The following ZNF366 variants were observed in gnomAD, a reference collection of about 807,000 sequenced individuals.
ZNF366 encodes the protein zinc finger protein 366.
In ZNF366, 20 loss-of-function variants were observed where a neutral mutation model predicts 47.2. That is an observed-to-expected ratio of 0.42 (90% CI 0.30 to 0.62). The LOEUF (loss-of-function observed/expected upper bound fraction) is 0.62. ZNF366 is among the 20% of genes least tolerant of loss of function. The probability of loss-of-function intolerance (pLI) is 0.16; values close to 1 mark genes in which losing one functional copy is unlikely to be tolerated. For missense variants in ZNF366, 987 were observed against 976.3 expected (o/e 1.01, Z -0.15); for synonymous variants, 421 against 395.1 (o/e 1.07, Z -0.78).
intron 1 of ZNF366, among the ~76,000 whole-genome samples, chr5:72,488,156 C>T (rs953719013): frequency 4.0e-5 from 6 of 151,030 alleles, no homozygotes; most frequent in South Asian, 2.1e-4. Context: ...TGAAGTGAGC[C>T]AAGATTGCAC....
chr5:72,473,086 A>G (rs1314313003), intron 1 of ZNF366, among the ~76,000 whole-genome samples: 1 of 152,238 alleles, frequency 6.6e-6, no homozygotes, highest in East Asian at 1.9e-4. Context: ...AATCACCAGT[A>G]CTTAACATTT....
chr5:72,473,843 G>A (rs963668812), intron 1 of ZNF366, among the ~76,000 whole-genome samples: 6 of 152,142 alleles, frequency 3.9e-5, no homozygotes, highest in African/African-American at 7.2e-5. Context: ...ACTCTCTTCT[G>A]TCATTGCACC....
At position 72,460,371 on chromosome 5, in the gene ZNF366, T is replaced by G. The variant is rs1743275881; in HGVS notation, c.1126A>C (p.Thr376Pro). 1 of 1,614,080 alleles carries G rather than the reference T, an allele frequency of 6.2e-7. No homozygotes were observed. The highest frequency in any genetic ancestry group is 8.5e-7 in the Non-Finnish European group (1 of 1,180,012). The change falls in exon 2 of 5, where the codon ACC (threonine) becomes CCC (proline). Residue 376 changes from threonine to proline, a missense_variant. Transcript: ENST00000318442. The stretch of plus-strand genomic sequence containing the variant: ...AGGTGTCTCTTCAGCTGGGCCAAGG[T>G]GGGGAAGTCGAGGCCGCACTCCACA... ...ICVECGLDFP[T>P]LAQLKRHLTT...
chr5:72,457,972 C>T (rs1484068335), intron 2 of ZNF366, among the ~76,000 whole-genome samples: 2 of 147,806 alleles, frequency 1.4e-5, no homozygotes, highest in African/African-American at 5.0e-5. Flanking sequence ...TAATGAAAAA[C>T]ATTTTCTTAA....
At chr5:72,481,974 T>C (rs1273743463) in intron 1 of ZNF366, among the ~76,000 whole-genome samples, 23 of 152,020 alleles carry the variant, frequency 1.5e-4, no homozygotes, top group Admixed American at 1.5e-3. Context: ...GATATGAGAG[T>C]TTTAAAGTTC....
chr5:72,475,646 A>G (rs1743657996), intron 1 of ZNF366, among the ~76,000 whole-genome samples: 1 of 152,234 alleles, frequency 6.6e-6, no homozygotes, highest in South Asian at 2.1e-4. Flanking sequence ...TGTATTCAAT[A>G]GATGATGCTG....
At position 72,456,399 on chromosome 5, in the gene ZNF366, C is replaced by A; in HGVS notation, c.1524+5G>T. The A allele has an allele frequency of 6.3e-7, 1 of 1,595,582 alleles. No homozygotes were observed. The highest frequency in any genetic ancestry group is 8.6e-7 in the Non-Finnish European group (1 of 1,165,896). On this transcript the variant is annotated splice_donor_5th_base_variant and intron_variant, in intron 3 of 4. Coordinates refer to ENST00000318442, the MANE Select transcript of ZNF366 (RefSeq NM_152625.3). Reference sequence around the variant, plus strand: ...CTCTGGTTCCTCTCTAGTCCCACTGCCCACCTTGCATTTGAAAGGCTTCAC... The same window carrying A: ...CTCTGGTTCCTCTCTAGTCCCACTGACCACCTTGCATTTGAAAGGCTTCAC...
In ZNF366 at chr5:72,440,938, T is replaced by C. The variant is rs1742845509; in HGVS notation, c.*2818A>G. On this transcript the variant is annotated 3_prime_UTR_variant, in exon 5 of 5. Coordinates refer to ENST00000318442, the MANE Select transcript of ZNF366 (RefSeq NM_152625.3). ...CATAACAAATTGTTTTTATTTCTCC[T>C]AGACCTTTTTACTGCCTCCAAATAA... 6.6e-6 allele frequency: 1 copy of C among 152,226 alleles called. No individual in the cohort carries two copies. Among genetic ancestry groups the C allele is most frequent in the Non-Finnish European group, 1.5e-5 (1 of 68,048 alleles). The allele number at this position is 152,226 out of a possible 1,614,324, so 9.4% of individuals were successfully genotyped here.
At chr5:72,447,176 A>T in intron 4 of ZNF366, 67 bp downstream of exon 4, 1 of 1,577,630 alleles carries the variant, frequency 6.3e-7, no homozygotes, top group Admixed American at 1.7e-5. Context: ...ATGCCCCATA[A>T]AACGAATTCA....
intron 1 of ZNF366, among the ~76,000 whole-genome samples, chr5:72,469,255 T>C (rs1208914295): frequency 6.6e-6 from 1 of 152,194 alleles, no homozygotes; most frequent in Non-Finnish European, 1.5e-5. Flanking sequence ...TTGATAGAAA[T>C]ATTTTGTATT....
At chr5:72,484,000 G>T in intron 1 of ZNF366, among the ~76,000 whole-genome samples, 1 of 152,116 alleles carries the variant, frequency 6.6e-6, no homozygotes, top group East Asian at 1.9e-4. Context: ...CTTATACTTA[G>T]TTTCAATTCA....
chr5:72,489,465 A>C (rs1316515035), intron 1 of ZNF366, among the ~76,000 whole-genome samples: 1 of 152,068 alleles, frequency 6.6e-6, no homozygotes, highest in Non-Finnish European at 1.5e-5. Context: ...CATCCTGACT[A>C]ATATATTTCT....
intron 1 of ZNF366, among the ~76,000 whole-genome samples, chr5:72,495,566 A>C (rs935220625): frequency 2.0e-5 from 3 of 152,196 alleles, no homozygotes; most frequent in African/African-American, 7.2e-5. Context: ...CATGGTCCCA[A>C]TAAACGGAGA....
chr5:72,465,546 G>A (rs959672447), intron 1 of ZNF366, among the ~76,000 whole-genome samples: 27 of 152,090 alleles, frequency 1.8e-4, no homozygotes, highest in East Asian at 1.3e-3. Context: ...AGATCCACAG[G>A]CACCCATAAA....
At chr5:72,471,586 T>C (rs1165312650) in intron 1 of ZNF366, among the ~76,000 whole-genome samples, 1 of 152,202 alleles carries the variant, frequency 6.6e-6, no homozygotes, top group Admixed American at 6.5e-5. Flanking sequence ...GTTCCCATCA[T>C]AGTCTATGGG....
At chr5:72,495,544 T>C (rs1043358649) in intron 1 of ZNF366, among the ~76,000 whole-genome samples, 7 of 152,150 alleles carry the variant, frequency 4.6e-5, no homozygotes, top group Admixed American at 2.0e-4. Flanking sequence ...TTTTACATAT[T>C]TGACAAGAGA....
At chr5:72,461,546 G>T (rs1399827614) in intron 1 of ZNF366, 36 bp from the exon 2 acceptor site, 1 of 1,514,330 alleles carries the variant, frequency 6.6e-7, no homozygotes, top group Admixed American at 2.3e-5. Context: ...TTTTGGTTTG[G>T]TTTTGTTTAA....
At chr5:72,504,025 A>AGGTCC (rs1744267115) in intron 1 of ZNF366, among the ~76,000 whole-genome samples, 2 of 152,172 alleles carry the variant, frequency 1.3e-5, no homozygotes, top group Non-Finnish European at 2.9e-5. Flanking sequence ...AGTTGGATCA[A>AGGTCC]TCAGGCACCA....
At chr5:72,479,598 G>A (rs781203117) in intron 1 of ZNF366, among the ~76,000 whole-genome samples, 5 of 152,102 alleles carry the variant, frequency 3.3e-5, no homozygotes, top group Non-Finnish European at 7.4e-5. Context: ...TAGAAAATTG[G>A]TCAACAGCCA....
Sources: allele counts gnomAD v4.1 joint callset (sites outside exome capture counted in the v4.1 genomes callset), GRCh38; gene constraint gnomAD v4.1.1; transcripts MANE v1.5; gene names NCBI Gene and HGNC (gene_info 2026-07-23, HGNC 2026-07-21).